Variants in MSH3 observed in about 807,000 individuals in gnomAD.
The protein encoded by MSH3 is DNA mismatch repair protein Msh3.
A neutral mutation model predicts 123.3 loss-of-function variants in MSH3; 106 were observed. The observed-to-expected ratio is 0.86, with a 90% confidence interval of 0.73 to 1.01. The LOEUF (loss-of-function observed/expected upper bound fraction) is 1.01, where lower values mean the gene tolerates loss of function less well. MSH3 is among the 50% of genes least tolerant of loss of function. The pLI is 0.00. For missense variants in MSH3, 1,459 were observed against 1,347.6 expected, an observed-to-expected ratio of 1.08 and a Z score of -1.29; for synonymous variants, 515 against 481.4, an observed-to-expected ratio of 1.07 and a Z score of -0.91.
intron 8 of MSH3, among the ~76,000 whole-genome samples, chr5:80,717,006 G>A (rs935895940): frequency 3.3e-5 from 5 of 152,102 alleles, no homozygotes; most frequent in African/African-American, 1.2e-4. Context: ...AATGACCTCA[G>A]TTCCATCCAT....
intron 20 of MSH3, among the ~76,000 whole-genome samples, chr5:80,850,208 A>G (rs760352441): frequency 1.1e-4 from 17 of 152,156 alleles, no homozygotes; most frequent in African/African-American, 1.7e-4. Flanking sequence ...TCATATCACT[A>G]TCAGCATTTT....
In MSH3 at chr5:80,740,592, C is replaced by T. The variant is rs568746032; in HGVS notation, c.1569-872C>T. Among the ~76,000 whole-genome samples the T allele has an allele frequency of 2.8e-3, 422 of 152,240 alleles. 1 individual carries two copies. The highest frequency in any genetic ancestry group is 4.8e-3 in the Non-Finnish European group (324 of 68,004). On this transcript the variant is annotated intron_variant, in intron 10 of 23. Coordinates refer to ENST00000265081, the MANE Select transcript of MSH3 (RefSeq NM_002439.5). ...GGCCAGGATGGTCTCCATCTCTTGA[C>T]CTCGTGATCCACCCACCTTGGCCTC... is the stretch of plus-strand genomic sequence containing the variant.
rs1750137724 is a variant in MSH3, at chr5:80,688,171, C to T, written c.1340+9078C>T. On this transcript the variant is annotated intron_variant, in intron 8 of 23. Transcript: ENST00000265081. ...TGAAAAAGACATGTGGAAGAATGTC[C>T]TGTGGTACCACAGTGACTTTAGCTA... Among the ~76,000 whole-genome samples the T allele has an allele frequency of 2.0e-5, 3 of 152,180 alleles. No individual in the cohort carries two copies. In the South Asian group the frequency reaches 6.2e-4, roughly 31 times the overall value.
intron 19 of MSH3, among the ~76,000 whole-genome samples, chr5:80,808,373 G>A (rs1478227361): frequency 6.6e-6 from 1 of 152,024 alleles, no homozygotes; most frequent in Non-Finnish European, 1.5e-5. Context: ...TGTGGATATC[G>A]TGTCTTGATT....
At chr5:80,814,473 T>C (rs1580067068) in intron 20 of MSH3, among the ~76,000 whole-genome samples, 1 of 58,808 alleles carries the variant, frequency 1.7e-5, no homozygotes, top group East Asian at 5.1e-4. Context: ...GGTTTTGCCA[T>C]GTTGGCCAGG....
At chr5:80,865,239 C>T (rs760364313) in intron 22 of MSH3, among the ~76,000 whole-genome samples, 1 of 152,020 alleles carries the variant, frequency 6.6e-6, no homozygotes, top group Non-Finnish European at 1.5e-5. Context: ...CCTCTTAGTG[C>T]CTTGTACTCT....
intron 22 of MSH3, 78 bp downstream of exon 22, chr5:80,865,020 A>G (rs1364367695): frequency 3.0e-6 from 4 of 1,339,314 alleles, no homozygotes; most frequent in Admixed American, 1.7e-5. Context: ...ACATGAACTT[A>G]CTGCTTATTA....
chr5:80,786,551 C>T (rs1273682328), intron 17 of MSH3, among the ~76,000 whole-genome samples: 1 of 152,094 alleles, frequency 6.6e-6, no homozygotes, highest in African/African-American at 2.4e-5. Context: ...ATTTTTTGTG[C>T]CTCTTAATCT....
intron 20 of MSH3, among the ~76,000 whole-genome samples, chr5:80,819,177 G>A (rs1246501308): frequency 6.6e-6 from 1 of 151,850 alleles, no homozygotes; most frequent in African/African-American, 2.4e-5. Context: ...GTGGAGTTAT[G>A]CAATAAGAAG....
intron 1 of MSH3, 88 bp from the exon 2 acceptor site, chr5:80,656,323 A>G (rs1749282370): frequency 1.3e-6 from 2 of 1,551,898 alleles, no homozygotes; most frequent in Non-Finnish European, 8.9e-7. Context: ...GAACCTTGTC[A>G]TTCAGTTGTA....
chr5:80,864,976 G>A, intron 22 of MSH3, 34 bp downstream of exon 22: 1 of 1,610,836 alleles, frequency 6.2e-7, no homozygotes, highest in Non-Finnish European at 8.5e-7. Context: ...TACAAATATT[G>A]GTTTTCATGT....
At chr5:80,732,630 G>C (rs184035790) in intron 10 of MSH3, among the ~76,000 whole-genome samples, 2 of 152,082 alleles carry the variant, frequency 1.3e-5, no homozygotes, top group East Asian at 3.9e-4. Flanking sequence ...TTTGATTATA[G>C]GCACAAAAAT....
At chr5:80,714,130 CT>C (rs34918629) in intron 8 of MSH3, among the ~76,000 whole-genome samples, 134 of 85,828 alleles carry the variant, frequency 1.6e-3, no homozygotes, top group African/African-American at 4.2e-3. Context: ...TTCAAATAGA[CT>C]TTTTTTTTTT....
chr5:80,866,629 T>G (rs1746102920), intron 22 of MSH3, among the ~76,000 whole-genome samples: 1 of 152,228 alleles, frequency 6.6e-6, no homozygotes, highest in Admixed American at 6.5e-5. Flanking sequence ...CTTCATCAAG[T>G]TGACACATTA....
chr5:80,777,225 A>G (rs576136803), intron 16 of MSH3, among the ~76,000 whole-genome samples: 9 of 151,984 alleles, frequency 5.9e-5, no homozygotes, highest in Non-Finnish European at 1.2e-4. Context: ...TTTATTATCC[A>G]TTGCCACATC....
chr5:80,749,229 A>G (rs1381923516), intron 12 of MSH3, among the ~76,000 whole-genome samples: 4 of 152,196 alleles, frequency 2.6e-5, no homozygotes, highest in African/African-American at 9.6e-5. Context: ...CAAAACCTCA[A>G]AAGTAGGGAA....
intron 20 of MSH3, among the ~76,000 whole-genome samples, chr5:80,830,171 A>G (rs1580076124): frequency 6.6e-6 from 1 of 152,230 alleles, no homozygotes; most frequent in Admixed American, 6.5e-5. Flanking sequence ...TTTTCAAAGA[A>G]TTAGCTTTTG....
In MSH3 at chr5:80,697,320, G is replaced by A. The variant is rs541528513; in HGVS notation, c.1340+18227G>A. Among the ~76,000 whole-genome samples, 18 of 152,294 alleles carry A rather than the reference G, an allele frequency of 1.2e-4. 1 individual carries two copies. The South Asian group carries it at 3.3e-3, about 28-fold the overall frequency. On this transcript the variant is annotated intron_variant, in intron 8 of 23. Coordinates refer to ENST00000265081, the MANE Select transcript of MSH3 (RefSeq NM_002439.5). ...TGAGTTATACAAGGTGTTGGCAGCT[G>A]GAGCCAAGTTACACCTGGTTTACTT...
At chr5:80,835,575 A>G (rs879468494) in intron 20 of MSH3, among the ~76,000 whole-genome samples, 3 of 152,206 alleles carry the variant, frequency 2.0e-5, no homozygotes, top group Non-Finnish European at 4.4e-5. Context: ...TCATTGTGAA[A>G]AAGAAAAATT....
Sources: allele counts gnomAD v4.1 joint callset (sites outside exome capture counted in the v4.1 genomes callset), GRCh38; gene constraint gnomAD v4.1.1; transcripts MANE v1.5; gene names NCBI Gene and HGNC (gene_info 2026-07-23, HGNC 2026-07-21).